SORBS2: variants seen among roughly 807,000 people sequenced by gnomAD.
SORBS2 encodes the protein sorbin and SH3 domain-containing protein 2.
In SORBS2, 46 loss-of-function variants were observed where a neutral mutation model predicts 97.7. The ratio of observed to expected loss-of-function variants is 0.47; its 90% CI spans 0.37 to 0.60. The LOEUF (loss-of-function observed/expected upper bound fraction) is 0.60, where lower values mean the gene tolerates loss of function less well. Among genes scored for constraint, SORBS2 ranks in the 20% least tolerant of loss-of-function variants. SORBS2 has a pLI of 0.00. For missense variants in SORBS2, 1,316 were observed against 1,282.3 expected, an observed-to-expected ratio of 1.03 and a Z score of -0.40; for synonymous variants, 476 against 473.4, an observed-to-expected ratio of 1.01 and a Z score of -0.07.
At chr4:185,932,227 G>A (rs2099266859) in intron 1 of SORBS2, among the ~76,000 whole-genome samples, 1 of 151,958 alleles carries the variant, frequency 6.6e-6, no homozygotes, top group South Asian at 2.1e-4. Context: ...ATTTGTCAGA[G>A]GGGCAGCTAC....
chr4:185,897,753 T>C (rs982548953), intron 1 of SORBS2, among the ~76,000 whole-genome samples: 2 of 152,104 alleles, frequency 1.3e-5, no homozygotes, highest in Non-Finnish European at 2.9e-5. Context: ...GCTAAGGAGT[T>C]AGGCTGGGTG....
At chr4:185,679,054 T>C (rs1304505128) in intron 2 of SORBS2, among the ~76,000 whole-genome samples, 1 of 152,074 alleles carries the variant, frequency 6.6e-6, no homozygotes. Context: ...TAAACACTCA[T>C]TTTTCCCCTC....
At chr4:185,857,142 T>G (rs538356209) in intron 1 of SORBS2, among the ~76,000 whole-genome samples, 1 of 152,150 alleles carries the variant, frequency 6.6e-6, no homozygotes, top group Non-Finnish European at 1.5e-5. Context: ...TTGCAGGAAG[T>G]CAGGGACCCT....
upstream of SORBS2, chr4:185,657,505 C>T: frequency 6.4e-7 from 1 of 1,569,092 alleles, no homozygotes; most frequent in Non-Finnish European, 8.6e-7. Flanking sequence ...CTGTCACTCT[C>T]TTCTCTTCCT....
At chr4:185,632,621 T>C (rs2096926891) in intron 4 of SORBS2, among the ~76,000 whole-genome samples, 1 of 152,144 alleles carries the variant, frequency 6.6e-6, no homozygotes. Flanking sequence ...AGATCACGGC[T>C]TTCGTGGGAC....
chr4:185,638,227 G>T, intron 4 of SORBS2, 65 bp from the exon 15 acceptor site: 2 of 1,004,980 alleles, frequency 2.0e-6, no homozygotes, highest in Non-Finnish European at 3.1e-6. Context: ...GAAACGCTGT[G>T]TGGCATGAAA....
chr4:185,846,032 A>T (rs760829611), intron 1 of SORBS2, among the ~76,000 whole-genome samples: 10 of 152,254 alleles, frequency 6.6e-5, no homozygotes, highest in Non-Finnish European at 1.5e-4. Flanking sequence ...GCCACCTGGC[A>T]GTCCCAACTC....
chr4:185,624,359 C>T (rs770974950), exon 7 of SORBS2: 6 of 1,614,068 alleles, frequency 3.7e-6, no homozygotes, highest in South Asian at 1.1e-5. Flanking sequence ...GTTCTTGAAA[C>T]TAATGGCTCT....
At chr4:185,732,899 A>C (rs2098653330) in intron 2 of SORBS2, among the ~76,000 whole-genome samples, 1 of 152,208 alleles carries the variant, frequency 6.6e-6, no homozygotes. Context: ...AGAGATTTGG[A>C]GACAGATCCA....
chr4:185,939,266 G>A (rs1304468525), intron 1 of SORBS2, among the ~76,000 whole-genome samples: 2 of 152,140 alleles, frequency 1.3e-5, no homozygotes, highest in African/African-American at 4.8e-5. Context: ...TGTCAACAGT[G>A]TATTTTACCT....
exon 3 of SORBS2, chr4:185,649,600 A>T: frequency 6.2e-7 from 1 of 1,600,812 alleles, no homozygotes. Context: ...AGAGGTCTGT[A>T]GGTTTGGGTC....
intron 4 of SORBS2, among the ~76,000 whole-genome samples, chr4:185,634,432 C>T (rs2096960308): frequency 6.6e-6 from 1 of 152,110 alleles, no homozygotes; most frequent in African/African-American, 2.4e-5. Context: ...AGTTTATTTA[C>T]TTCGTTCCCA....
intron 2 of SORBS2, among the ~76,000 whole-genome samples, chr4:185,730,337 A>C (rs2098607608): frequency 6.7e-6 from 1 of 149,298 alleles, no homozygotes; most frequent in South Asian, 2.1e-4. Context: ...TTGGAAAAGA[A>C]ATATTCCTAA....
At chr4:185,638,104 A>C in intron 4 of SORBS2, 2 of 1,610,364 alleles carry the variant, frequency 1.2e-6, no homozygotes, top group East Asian at 4.5e-5. Flanking sequence ...CAGTTCTGAA[A>C]AGAATTTATA....
At chr4:185,737,398 C>T (rs914863956) in intron 2 of SORBS2, among the ~76,000 whole-genome samples, 1 of 152,168 alleles carries the variant, frequency 6.6e-6, no homozygotes, top group South Asian at 2.1e-4. Context: ...GGAACCATCG[C>T]CCTCCCTGGA....
At chr4:185,860,402 G>A (rs2149709083) in intron 1 of SORBS2, among the ~76,000 whole-genome samples, 1 of 152,328 alleles carries the variant, frequency 6.6e-6, no homozygotes, top group East Asian at 1.9e-4. Context: ...GTGCCTGAGG[G>A]CTGGCTTTAG....
At chr4:185,656,592 C>T (rs1561718222) in intron 1 of SORBS2, 4 of 1,510,948 alleles carry the variant, frequency 2.6e-6, no homozygotes, top group Non-Finnish European at 3.6e-6. Context: ...TGCAGTCCCT[C>T]CCCGCATGGC....
intron 1 of SORBS2, among the ~76,000 whole-genome samples, chr4:185,949,805 T>C (rs1163671959): frequency 6.6e-6 from 1 of 152,110 alleles, no homozygotes; most frequent in Non-Finnish European, 1.5e-5. Context: ...GAACTATAAC[T>C]GACAACAATA....
chr4:185,736,214 A>G (rs1053229017), intron 2 of SORBS2, among the ~76,000 whole-genome samples: 2 of 152,220 alleles, frequency 1.3e-5, no homozygotes. Context: ...CAATCTCAAT[A>G]AACTTTGTGG....
Sources: gnomAD v4.1 joint callset for allele counts (sites outside exome capture counted in the v4.1 genomes callset) on GRCh38, gnomAD v4.1.1 for gene constraint, MANE v1.5 for transcripts, NCBI Gene and HGNC (gene_info 2026-07-23, HGNC 2026-07-21) for gene names.